The following MAN2A2 variants were observed in gnomAD, a reference collection of about 807,000 sequenced individuals.
MAN2A2 encodes the protein alpha-mannosidase 2x.
A neutral mutation model predicts 126.8 loss-of-function variants in MAN2A2; 79 were observed. That is an observed-to-expected ratio of 0.62 (90% CI 0.52 to 0.75). The LOEUF is 0.75. MAN2A2 is among the 30% of genes least tolerant of loss of function. The pLI is 0.00. For synonymous variants in MAN2A2, 671 were observed against 618.7 expected, an observed-to-expected ratio of 1.08 and a Z score of -1.25; for missense variants, 1,392 against 1,522.4, an observed-to-expected ratio of 0.91 and a Z score of 1.43.
intron 19 of MAN2A2, chr15:90,915,545 A>G (rs566735310): frequency 1.3e-5 from 2 of 152,494 alleles, no homozygotes; most frequent in Admixed American, 1.3e-4. Context: ...ATGACACTTA[A>G]TATGAGCCTC....
intron 10 of MAN2A2, 56 bp from the exon 11 acceptor site, chr15:90,910,445 G>A: frequency 4.4e-6 from 7 of 1,600,112 alleles, no homozygotes; most frequent in Non-Finnish European, 6.0e-6. Context: ...CTGGCAGAGT[G>A]TGGGTGGGCC....
rs965771235 is a variant in MAN2A2, at chr15:90,921,506, G to A, written c.*1719G>A. On this transcript the variant is annotated 3_prime_UTR_variant, in exon 23 of 23. Coordinates refer to ENST00000559717, the MANE Select transcript of MAN2A2 (RefSeq NM_006122.4). Reference sequence around the variant, plus strand: ...GTGACCTGGAGGGGGTCAGACAGACGGGAGAGTCCAGAAACAGACCCAGGG... The same window carrying A: ...GTGACCTGGAGGGGGTCAGACAGACAGGAGAGTCCAGAAACAGACCCAGGG... 4.6e-5 allele frequency: 7 copies of A among 152,196 alleles called. No homozygotes were observed. The highest frequency in any genetic ancestry group is 1.2e-4 in the African/African-American group (5 of 41,432). The allele number at this position is 152,196 out of a possible 1,614,324, so 9.4% of individuals were successfully genotyped here. A position where few individuals can be genotyped will look rare whatever the true frequency, so the allele number is the denominator to read the frequency against.
At chr15:90,906,979 C>G (rs2034347910) in intron 7 of MAN2A2, 66 bp downstream of exon 7, 1 of 1,564,982 alleles carries the variant, frequency 6.4e-7, no homozygotes, top group Middle Eastern at 1.7e-4. Flanking sequence ...GCAGGGATAT[C>G]AGAACTAAGA....
At chr15:90,911,970 TAGTA>T in intron 14 of MAN2A2, 69 bp from the exon 15 acceptor site, 1 of 1,262,826 alleles carries the variant, frequency 7.9e-7, no homozygotes, top group Non-Finnish European at 1.1e-6. Flanking sequence ...AGCCCTCTGT[TAGTA>T]AGCGGATGCC....
Position 90,910,239 on chromosome 15 carries a change from C to G in MAN2A2, c.1524C>G (p.Tyr508Ter). Residue 508 changes from tyrosine (Y) to a stop codon, truncating the protein, a stop_gained, in exon 10 of 23, where the codon TAC becomes TAG. Transcript: ENST00000559717. LOFTEE classifies it high-confidence loss of function. ...DREDHYWTGY[Y>*]TSRPFYKSLD... ...AGGATCATTACTGGACAGGCTATTA[C>G]ACTTCCCGGCCCTTCTACAAGAGCT... 1.9e-6 allele frequency: 3 copies of G among 1,614,202 alleles called. No homozygotes were observed. The highest frequency in any genetic ancestry group is 2.5e-6 in the Non-Finnish European group (3 of 1,180,044).
chr15:90,911,340 G>C, intron 13 of MAN2A2, 45 bp from the exon 14 acceptor site: 1 of 1,613,328 alleles, frequency 6.2e-7, no homozygotes, highest in Non-Finnish European at 8.5e-7. Flanking sequence ...GCTTGCCCTG[G>C]TCGGAAGCAG....
chr15:90,917,908 A>G (rs1596181392), intron 20 of MAN2A2: 1 of 374,012 alleles, frequency 2.7e-6, no homozygotes. Flanking sequence ...GAGGGGAGAC[A>G]TGGCTGATGG....
At chr15:90,907,120 G>C (rs2239293) in intron 7 of MAN2A2, 189 bp from the exon 8 acceptor site, 7 of 808,852 alleles carry the variant, frequency 8.7e-6, no homozygotes, top group Non-Finnish European at 1.3e-5. Context: ...GGGCTTCAGC[G>C]TGCCCTGTGT....
Position 90,904,179 on chromosome 15 carries a change from C to T in MAN2A2, c.-18-11C>T, listed in dbSNP as rs764652094. The T allele has an allele frequency of 4.3e-6, 7 of 1,614,112 alleles. No homozygotes were observed. Among genetic ancestry groups the T allele is most frequent in the Middle Eastern group, 1.6e-4 (1 of 6,062 alleles). On this transcript the variant is annotated splice_polypyrimidine_tract_variant and intron_variant, in intron 1 of 22. Coordinates refer to ENST00000559717, the MANE Select transcript of MAN2A2 (RefSeq NM_006122.4). ...GCATGTTGGAGCTACAGATGGTGTC[C>T]TTCCTGCCAGGTGTGTGTGGAGGCC...
intron 20 of MAN2A2, chr15:90,916,671 G>A: frequency 1.5e-6 from 2 of 1,292,792 alleles, no homozygotes; most frequent in Non-Finnish European, 2.0e-6. Flanking sequence ...GTAAGGGTCG[G>A]CTCTGGGAGC....
At chr15:90,914,067 A>G (rs2238339) in intron 19 of MAN2A2, among the ~76,000 whole-genome samples, 11,358 of 152,308 alleles carry the variant, frequency 0.075, 1,238 homozygotes, top group African/African-American at 0.23. Context: ...AGCTAGGCAC[A>G]GTGGTTCACT....
At position 90,910,542 on chromosome 15, in the gene MAN2A2, G is replaced by C. The variant is rs373291682; in HGVS notation, c.1619G>C (p.Arg540Pro). The change falls in exon 11 of 23, where the codon CGC (arginine) becomes CCC (proline). Residue 540 changes from arginine (R) to proline (P), a missense_variant. Arg to Pro is a moderately radical substitution (Grantham distance 103, BLOSUM62 -2). Coordinates refer to ENST00000559717, the MANE Select transcript of MAN2A2 (RefSeq NM_006122.4). ...TACAGCCTGGCTGCAGCTCACGCTC[G>C]CCGCTCTGGTCTGGCTGGCCGGTAC... ...VLYSLAAAHA[R>P]RSGLAGRYPL... The C allele has an allele frequency of 3.1e-6, 5 of 1,614,056 alleles. No individual in the cohort carries two copies. Among genetic ancestry groups the C allele is most frequent in the Non-Finnish European group, 4.2e-6 (5 of 1,180,020 alleles).
At chr15:90,906,711 G>A (rs759368402) in intron 6 of MAN2A2, 29 bp from the exon 7 acceptor site, 30 of 1,606,734 alleles carry the variant, frequency 1.9e-5, no homozygotes, top group Non-Finnish European at 2.0e-5. Context: ...GTGTGTTCAG[G>A]GCCTCTCTGG....
At position 90,920,660 on chromosome 15, in the gene MAN2A2, C is replaced by T. The variant is rs1039972830; in HGVS notation, c.*873C>T. ...AGTGGGGATTGGTCCTACTTTCTTTCTCTGGAAAGGAAAGCCTCCAAGACT... is the reference window on the plus strand; with the variant it reads ...AGTGGGGATTGGTCCTACTTTCTTTTTCTGGAAAGGAAAGCCTCCAAGACT... On this transcript the variant is annotated 3_prime_UTR_variant, in exon 23 of 23. Coordinates refer to ENST00000559717, the MANE Select transcript of MAN2A2 (RefSeq NM_006122.4). 1.3e-5 allele frequency: 2 copies of T among 152,206 alleles called. No homozygotes were observed. The highest frequency in any genetic ancestry group is 4.8e-5 in the African/African-American group (2 of 41,442). The allele number at this position is 152,206 out of a possible 1,614,324, so 9.4% of individuals were successfully genotyped here.
At chr15:90,905,224 T>C (rs377605295) in intron 2 of MAN2A2, 27 bp from the exon 3 acceptor site, 50 of 1,605,966 alleles carry the variant, frequency 3.1e-5, no homozygotes, top group African/African-American at 4.0e-5. Context: ...AGGAGCTGTG[T>C]GTGATTGCTT....
chr15:90,918,678 A>G lies in MAN2A2; in HGVS notation c.3223A>G (p.Ile1075Val). 4 of 1,521,594 alleles carry G rather than the reference A, an allele frequency of 2.6e-6. No individual in the cohort carries two copies. Among genetic ancestry groups the G allele is most frequent in the Non-Finnish European group, 2.7e-6 (3 of 1,096,174 alleles). The allele number at this position is 1,521,594 out of a possible 1,614,324, so 94.3% of individuals were successfully genotyped here. A position where few individuals can be genotyped will look rare whatever the true frequency, so the allele number is the denominator to read the frequency against. The change falls in exon 22 of 23, where the codon ATC becomes GTC. Residue 1075 changes from isoleucine (I) to valine (V), a missense_variant. Transcript: ENST00000559717. Reference protein sequence around the residue: ...DTLPSAETALILHRKGFDCGL... With the variant: ...DTLPSAETALVLHRKGFDCGL... ...CCTACCCTCGGCGGAGACCGCACTCATCTTACACCGCAAGGGTTTTGACTG... is the reference window on the plus strand; with the variant it reads ...CCTACCCTCGGCGGAGACCGCACTCGTCTTACACCGCAAGGGTTTTGACTG...
In MAN2A2 at chr15:90,906,139, T is replaced by C. The variant is rs535440311; in HGVS notation, c.707+123T>C. ...GAGGCCCAGAGAGCTGTGGAAGAGA[T>C]GAGTGATGGTGGAGGGAGGGAAGGC... On this transcript the variant is annotated intron_variant, in intron 5 of 22. Transcript: ENST00000559717. 105 of 1,413,884 alleles carry C rather than the reference T, an allele frequency of 7.4e-5. 1 individual carries two copies. The highest frequency in any genetic ancestry group is 2.4e-4 in the Admixed American group (13 of 54,270). The allele number at this position is 1,413,884 out of a possible 1,614,324, so 87.6% of individuals were successfully genotyped here. A position where few individuals can be genotyped will look rare whatever the true frequency, so the allele number is the denominator to read the frequency against.
In MAN2A2 at chr15:90,904,194, G is replaced by A. The variant is rs780789542; in HGVS notation, c.-14G>A. On this transcript the variant is annotated 5_prime_UTR_variant, in exon 2 of 23. The change creates a new upstream start codon in the 5' untranslated region. Transcript: ENST00000559717. Reference sequence around the variant, plus strand: ...AGATGGTGTCCTTCCTGCCAGGTGTGTGTGGAGGCCAGTATGAAGCTGAAA... The same window carrying A: ...AGATGGTGTCCTTCCTGCCAGGTGTATGTGGAGGCCAGTATGAAGCTGAAA... 1.9e-6 allele frequency: 3 copies of A among 1,614,188 alleles called. No homozygotes were observed. Among genetic ancestry groups the A allele is most frequent in the Non-Finnish European group, 1.7e-6 (2 of 1,180,018 alleles).
intron 7 of MAN2A2, 134 bp downstream of exon 7, chr15:90,907,047 C>A: frequency 1.7e-6 from 2 of 1,186,416 alleles, no homozygotes; most frequent in South Asian, 2.8e-5. Flanking sequence ...CAGAAATGGT[C>A]GCACCCTCTG....
Sources: gnomAD v4.1 joint callset for allele counts (sites outside exome capture counted in the v4.1 genomes callset) on GRCh38, gnomAD v4.1.1 for gene constraint, MANE v1.5 for transcripts, NCBI Gene and HGNC (gene_info 2026-07-23, HGNC 2026-07-21) for gene names.